Variants in OPRM1 observed in about 807,000 individuals in gnomAD.
OPRM1 encodes opioid receptor mu 1.
OPRM1 carries 27 observed loss-of-function variants against 31.8 expected under a neutral mutation model. That is an observed-to-expected ratio of 0.85 (90% CI 0.63 to 1.17). The LOEUF (loss-of-function observed/expected upper bound fraction) is 1.17, where lower values mean the gene tolerates loss of function less well. Among genes scored for constraint, OPRM1 ranks in the 50% most tolerant of loss-of-function variants. The pLI, the probability that OPRM1 is intolerant of heterozygous loss-of-function variation, is 0.00. For missense variants in OPRM1, 536 were observed against 511.1 expected (o/e 1.05, Z -0.47); for synonymous variants, 196 against 189.9 (o/e 1.03, Z -0.26).
chr6:154,241,064 C>T (rs762809053), intron 3 of OPRM1, among the ~76,000 whole-genome samples: 4 of 151,938 alleles, frequency 2.6e-5, no homozygotes, highest in Admixed American at 6.6e-5. Flanking sequence ...GGTGAAACCC[C>T]GTCTCTACTA....
At chr6:154,018,541 C>G (rs966625217) in intron 1 of OPRM1, among the ~76,000 whole-genome samples, 6 of 145,218 alleles carry the variant, frequency 4.1e-5, no homozygotes, top group Non-Finnish European at 9.0e-5. Flanking sequence ...CCCTGCATAT[C>G]AAAAATGTGG....
In OPRM1 at chr6:154,110,340, G is replaced by T; in HGVS notation, c.1165-8343G>T. ...TTGGTACATTGTTCTGTTTTTGAAT[G>T]AAATATCTTTGCAGAAAATAGATTT... On this transcript the variant is annotated intron_variant, in intron 3 of 3. Coordinates refer to ENST00000330432, the MANE Select transcript of OPRM1 (RefSeq NM_000914.5). 2.3e-6 allele frequency: 3 copies of T among 1,319,502 alleles called. No individual in the cohort carries two copies. In the East Asian group the frequency reaches 7.5e-5, roughly 33 times the overall value. 81.7% of individuals were successfully genotyped at this position (1,319,502 alleles called of 1,614,324 possible).
intron 3 of OPRM1, among the ~76,000 whole-genome samples, chr6:154,144,456 T>C (rs949554748): frequency 7.9e-5 from 12 of 152,196 alleles, no homozygotes; most frequent in African/African-American, 2.9e-4. Context: ...ATAAGAATTA[T>C]ACAACACGGG....
chr6:154,135,296 C>T (rs1329710340), downstream of OPRM1, among the ~76,000 whole-genome samples: 4 of 152,090 alleles, frequency 2.6e-5, no homozygotes, highest in Non-Finnish European at 5.9e-5. Flanking sequence ...TGGCAACACC[C>T]CGTCTCTACT....
intron 3 of OPRM1, among the ~76,000 whole-genome samples, chr6:154,204,849 T>C (rs578040572): frequency 6.6e-6 from 1 of 152,282 alleles, no homozygotes; most frequent in African/African-American, 2.4e-5. Flanking sequence ...ATATCCATAG[T>C]ATTCATTAGA....
intron 1 of OPRM1, among the ~76,000 whole-genome samples, chr6:154,049,805 CATTG>C (rs945362982): frequency 3.3e-5 from 5 of 152,092 alleles, no homozygotes; most frequent in African/African-American, 1.2e-4. Flanking sequence ...ATATACAGCG[CATTG>C]ATTGATTTGC....
chr6:154,020,656 C>T (rs959549038), intron 1 of OPRM1, among the ~76,000 whole-genome samples: 2 of 152,178 alleles, frequency 1.3e-5, no homozygotes, highest in African/African-American at 4.8e-5. Context: ...TACCATCACG[C>T]ATTCCCACCA....
intron 3 of OPRM1, chr6:154,160,020 G>T: frequency 6.2e-7 from 1 of 1,611,832 alleles, no homozygotes; most frequent in Non-Finnish European, 8.5e-7. Context: ...GGTTAATCAT[G>T]GCCAGATCAT....
chr6:154,114,070 G>T (rs975544796), intron 3 of OPRM1, among the ~76,000 whole-genome samples: 1 of 152,150 alleles, frequency 6.6e-6, no homozygotes, highest in African/African-American at 2.4e-5. Context: ...TGACCCACGT[G>T]TCACCTGCAG....
intron 3 of OPRM1, among the ~76,000 whole-genome samples, chr6:154,198,953 G>A (rs574215437): frequency 5.9e-5 from 9 of 152,208 alleles, no homozygotes; most frequent in South Asian, 2.1e-4. Context: ...AATGAATAGC[G>A]CACAATCAGA....
At chr6:154,229,900 GTGACGCT>G (rs1386172954) in intron 3 of OPRM1, among the ~76,000 whole-genome samples, 4 of 152,228 alleles carry the variant, frequency 2.6e-5, no homozygotes, top group African/African-American at 7.2e-5. Flanking sequence ...GAGCAAACCA[GTGACGCT>G]TGCTGAAACA....
At chr6:154,027,623 A>G (rs1338319638) in intron 1 of OPRM1, among the ~76,000 whole-genome samples, 2 of 152,220 alleles carry the variant, frequency 1.3e-5, no homozygotes, top group African/African-American at 4.8e-5. Flanking sequence ...GCCACGTTCT[A>G]GAGTCAAAAA....
chr6:154,085,833 A>T (rs1790395939), intron 1 of OPRM1, among the ~76,000 whole-genome samples: 2 of 148,714 alleles, frequency 1.3e-5, no homozygotes, highest in Non-Finnish European at 3.0e-5. Flanking sequence ...GCATTCATTG[A>T]ACTTTGCTGG....
chr6:154,146,331 C>T (rs903969449), intron 3 of OPRM1, among the ~76,000 whole-genome samples: 1 of 152,134 alleles, frequency 6.6e-6, no homozygotes, highest in Non-Finnish European at 1.5e-5. Context: ...ACCTGGGAGT[C>T]GGAGGTTGCA....
rs1797694699 is a variant in OPRM1, at chr6:154,128,094, A to G, written c.*9373A>G. Among the ~76,000 whole-genome samples, 5 of 152,218 alleles carry G rather than the reference A, an allele frequency of 3.3e-5. No homozygotes were observed. The South Asian group carries it at 8.3e-4, about 25-fold the overall frequency. On this transcript the variant is annotated 3_prime_UTR_variant, in exon 4 of 4. Coordinates refer to ENST00000330432, the MANE Select transcript of OPRM1 (RefSeq NM_000914.5). ...AACAGAGTATTTCCAGGATTTATAA[A>G]TTCAGTATTACAAATAGTAATCTGG...
At chr6:154,111,197 T>G (rs1796325589) in intron 3 of OPRM1, among the ~76,000 whole-genome samples, 2 of 152,316 alleles carry the variant, frequency 1.3e-5, no homozygotes, top group African/African-American at 4.8e-5. Flanking sequence ...GCAATGGAGC[T>G]TGGAAGAGGG....
downstream of OPRM1, among the ~76,000 whole-genome samples, chr6:154,133,517 G>T (rs1024120289): frequency 4.6e-5 from 7 of 152,220 alleles, no homozygotes; most frequent in African/African-American, 1.7e-4. Context: ...ACATATGCAT[G>T]CATTTGTCTG....
upstream of OPRM1, among the ~76,000 whole-genome samples, chr6:154,038,620 G>T (rs1779468059): frequency 6.6e-6 from 1 of 152,140 alleles, no homozygotes; most frequent in Non-Finnish European, 1.5e-5. Flanking sequence ...AGGTCTATGA[G>T]ATTTAAGATG....
chr6:154,238,019 G>T (rs1368361325), intron 3 of OPRM1, among the ~76,000 whole-genome samples: 1 of 152,086 alleles, frequency 6.6e-6, no homozygotes. Flanking sequence ...TAGATTCTAT[G>T]CATTGGCAAA....
Sources: allele counts gnomAD v4.1 joint callset (sites outside exome capture counted in the v4.1 genomes callset), GRCh38; gene constraint gnomAD v4.1.1; transcripts MANE v1.5; gene names NCBI Gene and HGNC (gene_info 2026-07-23, HGNC 2026-07-21).